Variants in DPYSL2 observed in about 807,000 individuals in gnomAD.
DPYSL2 encodes the protein dihydropyrimidinase-related protein 2.
In DPYSL2, 13 loss-of-function variants were observed where a neutral mutation model predicts 69.9. The observed-to-expected ratio is 0.19, with a 90% CI of 0.12 to 0.30. The LOEUF (loss-of-function observed/expected upper bound fraction) is 0.30. Ranked by LOEUF, DPYSL2 falls within the 10% of genes least tolerant of loss-of-function variation. The pLI, the probability that DPYSL2 is intolerant of heterozygous loss-of-function variation, is 1.00. For synonymous variants in DPYSL2, 326 were observed against 359.1 expected, an observed-to-expected ratio of 0.91 and a Z score of 1.04; for missense variants, 587 against 918.9, an observed-to-expected ratio of 0.64 and a Z score of 4.67.
In DPYSL2 at chr8:26,624,614, G is replaced by A. The variant is rs1329882955; in HGVS notation, c.793+307G>A. Among the ~76,000 whole-genome samples the A allele has an allele frequency of 6.6e-6, 1 of 152,210 alleles. No homozygotes were observed. Among genetic ancestry groups the A allele is most frequent in the Non-Finnish European group, 1.5e-5 (1 of 68,020 alleles). On this transcript the variant is annotated intron_variant, in intron 4 of 13. Coordinates refer to ENST00000521913, the MANE Select transcript of DPYSL2 (RefSeq NM_001197293.3). This position sits in a 1 kb window ranked among gnomAD's most constrained non-coding sequence, Gnocchi z 4.7. Reference sequence around the variant, plus strand: ...AGCACCGTGCTCTCTAGCCAGGGTGGGGAGTTGAGGCTGCTGAGAGAGAGA... The same window carrying A: ...AGCACCGTGCTCTCTAGCCAGGGTGAGGAGTTGAGGCTGCTGAGAGAGAGA...
At chr8:26,578,848 G>A (rs1357210208) in intron 1 of DPYSL2, among the ~76,000 whole-genome samples, 2 of 152,196 alleles carry the variant, frequency 1.3e-5, no homozygotes, top group Admixed American at 6.5e-5. Context: ...AGGGTGTACC[G>A]GAATGGTGTG....
intron 1 of DPYSL2, among the ~76,000 whole-genome samples, chr8:26,541,093 G>A (rs529730906): frequency 1.3e-5 from 2 of 152,122 alleles, no homozygotes; most frequent in South Asian, 4.1e-4. Flanking sequence ...TGCACACCAA[G>A]ACACATTTTA....
rs536584741 is a variant in DPYSL2, at chr8:26,619,281, G to A, written c.629-4862G>A. Among the ~76,000 whole-genome samples, 22 of 152,254 alleles carry A rather than the reference G, an allele frequency of 1.4e-4. No homozygotes were observed. The highest frequency in any genetic ancestry group is 5.3e-4 in the African/African-American group (22 of 41,552). ...CAGCTCTTCCCAGGAGAGCTTCAGTGGAAAGAAAACTGTGGGAAAACATTT... is the reference window on the plus strand; with the variant it reads ...CAGCTCTTCCCAGGAGAGCTTCAGTAGAAAGAAAACTGTGGGAAAACATTT... On this transcript the variant is annotated intron_variant, in intron 3 of 13. Transcript: ENST00000521913. This position sits in a 1 kb window ranked among gnomAD's most constrained non-coding sequence, Gnocchi z 4.8.
chr8:26,562,957 T>G lies in DPYSL2; in HGVS notation c.355-19012T>G, dbSNP rs1208027307. ...CTGCTGGAATTCCTATATTGGTCTC[T>G]ACATGGCTTCAGCTTCTTTACAGCA... On this transcript the variant is annotated intron_variant, in intron 1 of 13. Transcript: ENST00000521913. This position sits in a 1 kb window ranked among gnomAD's most constrained non-coding sequence, Gnocchi z 4.9. 6.6e-6 allele frequency among the ~76,000 whole-genome samples: 1 copy of G among 152,184 alleles called. No individual in the cohort carries two copies.
In DPYSL2 at chr8:26,571,440, G is replaced by A. The variant is rs1288315089; in HGVS notation, c.355-10529G>A. ...CCAGAGGGCAGGCCTGAGGCACGATGGCTGAGCTAGGTGCCCTTTGTCCCC... is the reference window on the plus strand; with the variant it reads ...CCAGAGGGCAGGCCTGAGGCACGATAGCTGAGCTAGGTGCCCTTTGTCCCC... On this transcript the variant is annotated intron_variant, in intron 1 of 13. Transcript: ENST00000521913. This position sits in a 1 kb window ranked among gnomAD's most constrained non-coding sequence, Gnocchi z 6.1. Among the ~76,000 whole-genome samples the A allele has an allele frequency of 6.6e-6, 1 of 152,198 alleles. No homozygotes were observed. The highest frequency in any genetic ancestry group is 2.4e-5 in the African/African-American group (1 of 41,434).
intron 1 of DPYSL2, among the ~76,000 whole-genome samples, chr8:26,573,177 T>C (rs1218498447): frequency 1.3e-5 from 2 of 152,190 alleles, no homozygotes; most frequent in Non-Finnish European, 2.9e-5. Flanking sequence ...TAGGTCTTCC[T>C]GGAGTTTCAG....
At chr8:26,589,120 C>T (rs1801666154) in intron 3 of DPYSL2, among the ~76,000 whole-genome samples, 1 of 152,238 alleles carries the variant, frequency 6.6e-6, no homozygotes, top group Non-Finnish European at 1.5e-5. Flanking sequence ...TGTCAGAACC[C>T]TCCACGACGC....
chr8:26,639,089 C>T (rs1034151329), intron 8 of DPYSL2, among the ~76,000 whole-genome samples: 3 of 152,156 alleles, frequency 2.0e-5, no homozygotes, highest in Admixed American at 2.0e-4. Flanking sequence ...GAGATAAGAC[C>T]TCTTATGTCC....
At chr8:26,649,968 T>C (rs148208725) in intron 11 of DPYSL2, among the ~76,000 whole-genome samples, 97 of 152,114 alleles carry the variant, frequency 6.4e-4, no homozygotes, top group African/African-American at 2.3e-3. Context: ...GCCCCAGAGG[T>C]CTTCTAGGTG....
Position 26,650,277 on chromosome 8 carries a change from G to A in DPYSL2, c.1597-1980G>A, listed in dbSNP as rs1803254477. On this transcript the variant is annotated intron_variant, in intron 11 of 13. Coordinates refer to ENST00000521913, the MANE Select transcript of DPYSL2 (RefSeq NM_001197293.3). The surrounding 1 kb of genome is among the most constrained non-coding windows in gnomAD (Gnocchi z 5.3). ...AGCTGGTGAATGGCATACCTGGGGT[G>A]TGAACCCAGGGCAGATGTCTCCATG... is the stretch of plus-strand genomic sequence containing the variant. Among the ~76,000 whole-genome samples, 1 of 152,220 alleles carries A rather than the reference G, an allele frequency of 6.6e-6. No individual in the cohort carries two copies. The highest frequency in any genetic ancestry group is 2.1e-4 in the South Asian group (1 of 4,832).
Position 26,587,799 on chromosome 8 carries a change from A to G in DPYSL2, c.628+3816A>G, listed in dbSNP as rs563801662. ...CGCATTGCTGCTTGGGGAAAACCCT[A>G]CGGACTTCCCAGGGCCTTCATGGTC... is the stretch of plus-strand genomic sequence containing the variant. On this transcript the variant is annotated intron_variant, in intron 3 of 13. Coordinates refer to ENST00000521913, the MANE Select transcript of DPYSL2 (RefSeq NM_001197293.3). The surrounding 1 kb of genome is among the most constrained non-coding windows in gnomAD (Gnocchi z 4.2). Among the ~76,000 whole-genome samples, 27 of 152,072 alleles carry G rather than the reference A, an allele frequency of 1.8e-4. No homozygotes were observed. In the South Asian group the frequency reaches 4.2e-3, roughly 23 times the overall value.
intron 3 of DPYSL2, among the ~76,000 whole-genome samples, chr8:26,594,697 A>C (rs1320170999): frequency 6.6e-6 from 1 of 152,124 alleles, no homozygotes; most frequent in Non-Finnish European, 1.5e-5. Flanking sequence ...CTAATCTATC[A>C]ATTGACCATT....
chr8:26,641,766 G>T lies in DPYSL2; in HGVS notation c.1127-1673G>T, dbSNP rs1803053554. On this transcript the variant is annotated intron_variant, in intron 8 of 13. Coordinates refer to ENST00000521913, the MANE Select transcript of DPYSL2 (RefSeq NM_001197293.3). The surrounding 1 kb of genome is among the most constrained non-coding windows in gnomAD (Gnocchi z 4.1). ...GGTTTGGAGTCCTCCCTCCTGCTGG[G>T]GGTGGGGGCGTGGTTGCTGGTGGCC... Among the ~76,000 whole-genome samples the T allele has an allele frequency of 6.6e-6, 1 of 152,190 alleles. No homozygotes were observed. Among genetic ancestry groups the T allele is most frequent in the Non-Finnish European group, 1.5e-5 (1 of 68,042 alleles).
chr8:26,558,243 T>C (rs1563386252), intron 1 of DPYSL2, among the ~76,000 whole-genome samples: 3 of 152,174 alleles, frequency 2.0e-5, no homozygotes, highest in Admixed American at 1.3e-4. Context: ...ATTCAGACAC[T>C]GGAATATTAC....
chr8:26,647,688 A>G lies in DPYSL2; in HGVS notation c.1484A>G (p.Lys495Arg), dbSNP rs572145087. 3.1e-6 allele frequency: 5 copies of G among 1,614,162 alleles called. No individual in the cohort carries two copies. The highest frequency in any genetic ancestry group is 3.3e-5 in the Admixed American group (2 of 60,018). Residue 495 changes from lysine (K) to arginine (R), a missense_variant, in exon 11 of 14, where the codon AAA (lysine) becomes AGA (arginine). Transcript: ENST00000521913. This position sits in a 1 kb window ranked among gnomAD's most constrained non-coding sequence, Gnocchi z 5.1. ...GCTGTGACCAGCACCAATGCAGCCA[A>G]AGTCTTCAACCTTTACCCCCGGAAA... is the stretch of plus-strand genomic sequence containing the variant. ...FVAVTSTNAA[K>R]VFNLYPRKGR...
chr8:26,536,359 C>G (rs1800592490), intron 1 of DPYSL2, among the ~76,000 whole-genome samples: 1 of 151,844 alleles, frequency 6.6e-6, no homozygotes, highest in South Asian at 2.1e-4. Flanking sequence ...GTGTTTGGCT[C>G]ATAATGTGTT....
chr8:26,516,633 G>A lies in DPYSL2; in HGVS notation c.354+1954G>A, dbSNP rs1484640663. Among the ~76,000 whole-genome samples, 1 of 152,174 alleles carries A rather than the reference G, an allele frequency of 6.6e-6. No individual in the cohort carries two copies. The highest frequency in any genetic ancestry group is 1.5e-5 in the Non-Finnish European group (1 of 68,022). On this transcript the variant is annotated intron_variant, in intron 1 of 13. Coordinates refer to ENST00000521913, the MANE Select transcript of DPYSL2 (RefSeq NM_001197293.3). This position sits in a 1 kb window ranked among gnomAD's most constrained non-coding sequence, Gnocchi z 4.8. ...AAATTGTAAAACTAAGGCACGCAGA[G>A]GGGGAGATTTGAAGAGAAAATACTC...
At chr8:26,577,154 G>A in intron 1 of DPYSL2, 3 of 447,436 alleles carry the variant, frequency 6.7e-6, no homozygotes, top group South Asian at 3.1e-5. Context: ...TTTCCTCAGG[G>A]CTCTCATTTC....
chr8:26,624,422 A>T lies in DPYSL2; in HGVS notation c.793+115A>T. 1.5e-6 allele frequency: 2 copies of T among 1,337,238 alleles called. No individual in the cohort carries two copies. The highest frequency in any genetic ancestry group is 2.1e-6 in the Non-Finnish European group (2 of 970,414). The allele number at this position is 1,337,238 out of a possible 1,614,324, so 82.8% of individuals were successfully genotyped here. On this transcript the variant is annotated intron_variant, in intron 4 of 13. Transcript: ENST00000521913. This position sits in a 1 kb window ranked among gnomAD's most constrained non-coding sequence, Gnocchi z 4.7. Reference sequence around the variant, plus strand: ...CAGATCCCATTTGTGCCTCATGCCCATGCCTGCCCCTGGGAAGGAGAGAGG... The same window carrying T: ...CAGATCCCATTTGTGCCTCATGCCCTTGCCTGCCCCTGGGAAGGAGAGAGG...
Sources: allele counts gnomAD v4.1 joint callset (sites outside exome capture counted in the v4.1 genomes callset), GRCh38; gene constraint gnomAD v4.1.1; non-coding constraint Gnocchi (gnomAD v3.1); transcripts MANE v1.5; gene names NCBI Gene and HGNC (gene_info 2026-07-23, HGNC 2026-07-21).